The following MTREX variants were observed in gnomAD, a reference collection of about 807,000 sequenced individuals.
MTREX encodes the protein Mtr4 exosome RNA helicase.
MTREX carries 76 observed loss-of-function variants against 135.4 expected under a neutral mutation model. That is an observed-to-expected ratio of 0.56 (90% CI 0.47 to 0.68). The LOEUF (loss-of-function observed/expected upper bound fraction) is 0.68. Among genes scored for constraint, MTREX ranks in the 30% least tolerant of loss-of-function variants. The pLI is 0.00. For synonymous variants in MTREX, 404 were observed against 401.6 expected (o/e 1.01, Z -0.07); for missense variants, 920 against 1,262.1 (o/e 0.73, Z 4.11).
intron 12 of MTREX, among the ~76,000 whole-genome samples, 187 bp from the exon 13 acceptor site, chr5:55,350,732 G>T (rs1045793227): frequency 5.3e-5 from 8 of 152,124 alleles, no homozygotes; most frequent in Non-Finnish European, 8.8e-5. Flanking sequence ...CTATGAGCTT[G>T]GCCAGAATTA....
rs773440677 is a variant in MTREX, at chr5:55,361,901, G to GTTGT, written c.1659+3218_1659+3221dup. Among the ~76,000 whole-genome samples, 206 of 150,788 alleles carry GTTGT rather than the reference G, an allele frequency of 1.4e-3. 2 individuals carry two copies. In the Middle Eastern group the frequency reaches 0.024, roughly 17 times the overall value. ...AGCCACCATACCCAGCCTTGTTGTTGTTGTTTGTTTGTTTGTTTTTGTTTT... is the reference window on the plus strand; with the variant it reads ...AGCCACCATACCCAGCCTTGTTGTTGTTGTTTGTTTGTTTGTTTGTTTTTGTTTT... On this transcript the variant is annotated intron_variant, in intron 15 of 26. Transcript: ENST00000230640.
chr5:55,376,085 T>C (rs557553587), intron 16 of MTREX, among the ~76,000 whole-genome samples: 2 of 152,344 alleles, frequency 1.3e-5, no homozygotes, highest in East Asian at 3.9e-4. Flanking sequence ...ATCCAAGTCG[T>C]GGAGTTTAAT....
intron 14 of MTREX, among the ~76,000 whole-genome samples, 192 bp from the exon 15 acceptor site, chr5:55,358,381 A>C (rs1187386562): frequency 1.3e-5 from 2 of 152,156 alleles, no homozygotes; most frequent in East Asian, 3.8e-4. Flanking sequence ...TGTCGGTTTG[A>C]AACATTATTC....
chr5:55,363,172 G>A (rs188089645), intron 15 of MTREX, among the ~76,000 whole-genome samples: 1 of 152,258 alleles, frequency 6.6e-6, no homozygotes, highest in Non-Finnish European at 1.5e-5. Flanking sequence ...ATTAAAGTTA[G>A]TTCTGTAACT....
chr5:55,362,614 G>A (rs1750035917), intron 15 of MTREX, among the ~76,000 whole-genome samples: 2 of 152,084 alleles, frequency 1.3e-5, no homozygotes, highest in Admixed American at 6.5e-5. Flanking sequence ...ACCCACCTTG[G>A]CCTCCCAAAG....
chr5:55,325,413 C>T (rs1749362247), intron 3 of MTREX, among the ~76,000 whole-genome samples: 1 of 150,076 alleles, frequency 6.7e-6, no homozygotes, highest in South Asian at 2.1e-4. Flanking sequence ...CTCACTGCAA[C>T]CTCCACGTCC....
intron 18 of MTREX, among the ~76,000 whole-genome samples, chr5:55,380,484 T>G (rs376443565): frequency 6.6e-6 from 1 of 152,198 alleles, no homozygotes; most frequent in African/African-American, 2.4e-5. Flanking sequence ...TCATGAAAGA[T>G]AAATATTATG....
intron 21 of MTREX, among the ~76,000 whole-genome samples, chr5:55,400,818 C>G (rs954428689): frequency 6.6e-6 from 1 of 152,192 alleles, no homozygotes; most frequent in Non-Finnish European, 1.5e-5. Context: ...CAGCCACTCT[C>G]TGTTTCTCCC....
chr5:55,388,117 TTC>T lies in MTREX; in HGVS notation c.2181+17_2181+18del. On this transcript the variant is annotated intron_variant, in intron 19 of 26. Transcript: ENST00000230640. ...GAGAGATGCAGGTTTGTACATAACT[TTC>T]TGTCTTCTGATTTCAGATATTCTGT... 3 of 1,581,756 alleles carry T rather than the reference TTC, an allele frequency of 1.9e-6. No individual in the cohort carries two copies. The highest frequency in any genetic ancestry group is 2.6e-6 in the Non-Finnish European group (3 of 1,157,588).
At chr5:55,405,094 G>C (rs1429075997) in intron 21 of MTREX, among the ~76,000 whole-genome samples, 2 of 151,952 alleles carry the variant, frequency 1.3e-5, no homozygotes, top group Non-Finnish European at 2.9e-5. Flanking sequence ...ATTGCGCCCG[G>C]CCTCTGTTCT....
chr5:55,396,150 C>T (rs1366518737), intron 19 of MTREX, among the ~76,000 whole-genome samples: 1 of 152,016 alleles, frequency 6.6e-6, no homozygotes, highest in Non-Finnish European at 1.5e-5. Context: ...TTTCTGTAAA[C>T]TTGGAATTCT....
In MTREX at chr5:55,387,902, A is replaced by C; in HGVS notation, c.2053-72A>C. On this transcript the variant is annotated intron_variant, in intron 18 of 26. Coordinates refer to ENST00000230640, the MANE Select transcript of MTREX (RefSeq NM_015360.5). ...GCTAAATGCTGAGAAAATAGTTCCTATACAGATGGAACTTAAAATTTATGG... is the reference window on the plus strand; with the variant it reads ...GCTAAATGCTGAGAAAATAGTTCCTCTACAGATGGAACTTAAAATTTATGG... 3 of 1,434,990 alleles carry C rather than the reference A, an allele frequency of 2.1e-6. No individual in the cohort carries two copies. In the South Asian group the frequency reaches 4.3e-5, roughly 20 times the overall value. 88.9% of individuals were successfully genotyped at this position (1,434,990 alleles called of 1,614,324 possible). A position where few individuals can be genotyped will look rare whatever the true frequency, so the allele number is the denominator to read the frequency against.
intron 11 of MTREX, among the ~76,000 whole-genome samples, chr5:55,348,433 T>G (rs959335423): frequency 3.9e-5 from 6 of 152,218 alleles, no homozygotes; most frequent in African/African-American, 1.4e-4. Context: ...ACCAAACCAC[T>G]GGCCAAGAAT....
At chr5:55,336,663 C>T (rs987770267) in intron 5 of MTREX, among the ~76,000 whole-genome samples, 1 of 152,146 alleles carries the variant, frequency 6.6e-6, no homozygotes, top group African/African-American at 2.4e-5. Context: ...GATTGGGTCC[C>T]AGACCCCCTC....
At chr5:55,339,341 T>C (rs1158657406) in intron 5 of MTREX, among the ~76,000 whole-genome samples, 1 of 152,206 alleles carries the variant, frequency 6.6e-6, no homozygotes, top group Admixed American at 6.5e-5. Context: ...AAATTGCTTA[T>C]TTCACTGGCT....
intron 1 of MTREX, among the ~76,000 whole-genome samples, chr5:55,311,051 G>A (rs1256070266): frequency 6.6e-6 from 1 of 152,060 alleles, no homozygotes; most frequent in Non-Finnish European, 1.5e-5. Context: ...GAAAGTGTTG[G>A]GATTCCAGAT....
chr5:55,413,769 A>G (rs1750922337), intron 23 of MTREX, among the ~76,000 whole-genome samples: 1 of 152,228 alleles, frequency 6.6e-6, no homozygotes, highest in African/African-American at 2.4e-5. Context: ...TCAGTTTCAA[A>G]CTTTTCAGTT....
At chr5:55,422,491 T>G (rs1323491977) in intron 25 of MTREX, among the ~76,000 whole-genome samples, 4 of 152,192 alleles carry the variant, frequency 2.6e-5, no homozygotes, top group Admixed American at 2.6e-4. Context: ...ATAGCTGCAG[T>G]TTGCCAGGCT....
At chr5:55,326,642 T>G (rs1343523423) in intron 3 of MTREX, among the ~76,000 whole-genome samples, 1 of 152,138 alleles carries the variant, frequency 6.6e-6, no homozygotes, top group Admixed American at 6.5e-5. Flanking sequence ...TAAGGATGGT[T>G]GTTCTGCCAG....
Sources: gnomAD v4.1 joint callset for allele counts (sites outside exome capture counted in the v4.1 genomes callset) on GRCh38, gnomAD v4.1.1 for gene constraint, MANE v1.5 for transcripts, NCBI Gene and HGNC (gene_info 2026-07-23, HGNC 2026-07-21) for gene names.